GNA11: variants seen among roughly 807,000 people sequenced by gnomAD.
GNA11 encodes G protein subunit alpha 11.
A neutral mutation model predicts 38.2 loss-of-function variants in GNA11; 8 were observed. That is an observed-to-expected ratio of 0.21 (90% CI 0.12 to 0.38). The LOEUF is 0.38. Ranked by LOEUF, GNA11 falls within the 10% of genes least tolerant of loss-of-function variation. GNA11 has a pLI of 1.00. For synonymous variants in GNA11, 211 were observed against 221.4 expected (o/e 0.95, Z 0.42); for missense variants, 268 against 516.3 (o/e 0.52, Z 4.66).
intron 1 of GNA11, among the ~76,000 whole-genome samples, chr19:3,096,594 C>T (rs1047441606): frequency 2.0e-5 from 3 of 152,146 alleles, no homozygotes; most frequent in African/African-American, 7.2e-5. Context: ...TGTCTGCCGC[C>T]TTGGCTGCTT....
Position 3,108,476 on chromosome 19 carries a change from T to A in GNA11, c.137-1673T>A, listed in dbSNP as rs1463292518. Among the ~76,000 whole-genome samples, 1 of 130,262 alleles carries A rather than the reference T, an allele frequency of 7.7e-6. No homozygotes were observed. The highest frequency in any genetic ancestry group is 1.6e-5 in the Non-Finnish European group (1 of 61,724). 85.5% of individuals were successfully genotyped at this position (130,262 alleles called of 152,430 possible). A position where few individuals can be genotyped will look rare whatever the true frequency, so the allele number is the denominator to read the frequency against. ...CAACAGCGTAGGACGTGTGTGGAAG[T>A]GGGGAGGTGCCGGAAGATTCAGAGA... On this transcript the variant is annotated intron_variant, in intron 1 of 6. Coordinates refer to ENST00000078429, the MANE Select transcript of GNA11 (RefSeq NM_002067.5). The surrounding 1 kb of genome is among the most constrained non-coding windows in gnomAD (Gnocchi z 4.5).
intron 1 of GNA11, among the ~76,000 whole-genome samples, chr19:3,101,197 C>A (rs747735621): frequency 3.9e-5 from 6 of 152,176 alleles, no homozygotes; most frequent in African/African-American, 1.4e-4. Flanking sequence ...AACTGGAGGG[C>A]GCTGTGTCTG....
chr19:3,119,689 A>G lies in GNA11; in HGVS notation c.889+330A>G, dbSNP rs1914018629. On this transcript the variant is annotated intron_variant, in intron 6 of 6. Coordinates refer to ENST00000078429, the MANE Select transcript of GNA11 (RefSeq NM_002067.5). This position sits in a 1 kb window ranked among gnomAD's most constrained non-coding sequence, Gnocchi z 4.6. ...TCTTGTACAAGGAGGGCACCATGGG[A>G]GGGGGAGTCTTGTATTGGTGGGTCT... Among the ~76,000 whole-genome samples, 1 of 145,922 alleles carries G rather than the reference A, an allele frequency of 6.9e-6. No individual in the cohort carries two copies. The highest frequency in any genetic ancestry group is 1.5e-5 in the Non-Finnish European group (1 of 65,956).
At position 3,108,267 on chromosome 19, in the gene GNA11, G is replaced by A. The variant is rs1913683850; in HGVS notation, c.137-1882G>A. 1.3e-5 allele frequency among the ~76,000 whole-genome samples: 2 copies of A among 152,196 alleles called. No homozygotes were observed. The highest frequency in any genetic ancestry group is 2.1e-4 in the South Asian group (1 of 4,836). ...GGAGCTGCCAGGTGAGGGGTCCTGCGACAGGCACCTGTGCAAAGATATCTA... is the reference window on the plus strand; with the variant it reads ...GGAGCTGCCAGGTGAGGGGTCCTGCAACAGGCACCTGTGCAAAGATATCTA... On this transcript the variant is annotated intron_variant, in intron 1 of 6. Coordinates refer to ENST00000078429, the MANE Select transcript of GNA11 (RefSeq NM_002067.5). The surrounding 1 kb of genome is among the most constrained non-coding windows in gnomAD (Gnocchi z 4.5).
intron 1 of GNA11, among the ~76,000 whole-genome samples, chr19:3,104,420 G>C (rs1913586436): frequency 6.6e-6 from 1 of 152,182 alleles, no homozygotes; most frequent in African/African-American, 2.4e-5. Context: ...TAGCGTCTGG[G>C]GTCCACTGTG....
chr19:3,120,566 TG>T lies in GNA11; in HGVS notation c.890-420del. Reference sequence around the variant, plus strand: ...AGGCCTGGCTGCAGCAGGGGCACCGTGGGTGGGTGGGGGCCACTGTTCCTGC... The same window carrying T: ...AGGCCTGGCTGCAGCAGGGGCACCGTGGTGGGTGGGGGCCACTGTTCCTGC... On this transcript the variant is annotated intron_variant, in intron 6 of 6. Coordinates refer to ENST00000078429, the MANE Select transcript of GNA11 (RefSeq NM_002067.5). This position sits in a 1 kb window ranked among gnomAD's most constrained non-coding sequence, Gnocchi z 5.9. Among the ~76,000 whole-genome samples the T allele has an allele frequency of 6.6e-6, 1 of 150,850 alleles. No homozygotes were observed. Among genetic ancestry groups the T allele is most frequent in the African/African-American group, 2.4e-5 (1 of 41,000 alleles).
chr19:3,118,613 T>C (rs768818559), intron 4 of GNA11: 2 of 343,112 alleles, frequency 5.8e-6, no homozygotes, highest in Non-Finnish European at 1.1e-5. Context: ...TGGGCACCCA[T>C]CGCAGGTTCC....
Position 3,103,519 on chromosome 19 carries a change from C to CTTTTTTTTTT in GNA11, c.137-6608_137-6599dup, listed in dbSNP as rs760497682. The stretch of plus-strand genomic sequence containing the variant: ...TGAGCCACTGCGCCCGGCCTTGAAT[C>CTTTTTTTTTT]TTTTTTTTTTTTTTTTTTTTTTTTT... On this transcript the variant is annotated intron_variant, in intron 1 of 6. Transcript: ENST00000078429. Among the ~76,000 whole-genome samples, 220 of 45,816 alleles carry CTTTTTTTTTT rather than the reference C, an allele frequency of 4.8e-3. 50 individuals are homozygous for CTTTTTTTTTT. Among genetic ancestry groups the CTTTTTTTTTT allele is most frequent in the Non-Finnish European group, 6.8e-3 (172 of 25,134 alleles). 30.1% of individuals were successfully genotyped at this position (45,816 alleles called of 152,430 possible).
chr19:3,116,328 G>A (rs776369489), intron 4 of GNA11, among the ~76,000 whole-genome samples: 3 of 152,164 alleles, frequency 2.0e-5, no homozygotes, highest in Non-Finnish European at 2.9e-5. Flanking sequence ...GACTCCCACC[G>A]CAGGCCTTAT....
At position 3,121,170 on chromosome 19, in the gene GNA11, C is replaced by T. The variant is rs1914062675; in HGVS notation, c.1071C>T (p.Asn357=). Residue 357 remains asparagine (N), a synonymous_variant, in exon 7 of 7, where the codon AAC becomes AAT. Coordinates refer to ENST00000078429, the MANE Select transcript of GNA11 (RefSeq NM_002067.5). ...TILQLNLKEY[N]LV is the part of the protein sequence containing the mutation. ...TGCAGCTCAACCTCAAGGAGTACAA[C>T]CTGGTCTGAGCGCCCAGGCCCAGGG... The T allele has an allele frequency of 4.3e-6, 7 of 1,612,770 alleles. No homozygotes were observed. Among genetic ancestry groups the T allele is most frequent in the African/African-American group, 1.3e-5 (1 of 75,030 alleles).
intron 1 of GNA11, among the ~76,000 whole-genome samples, chr19:3,096,457 G>A (rs1370503496): frequency 6.6e-6 from 1 of 152,208 alleles, no homozygotes. Flanking sequence ...TTACCAGATG[G>A]CCTTGCCCTG....
intron 1 of GNA11, among the ~76,000 whole-genome samples, chr19:3,102,236 C>G (rs545805174): frequency 6.6e-6 from 1 of 152,258 alleles, no homozygotes; most frequent in South Asian, 2.1e-4. Flanking sequence ...TCAGTGGGAA[C>G]AGAACAAGGT....
At chr19:3,098,749 G>A (rs895220178) in intron 1 of GNA11, among the ~76,000 whole-genome samples, 4 of 152,206 alleles carry the variant, frequency 2.6e-5, no homozygotes, top group Non-Finnish European at 5.9e-5. Flanking sequence ...TCTGGCGCCT[G>A]GCAGGGTGGC....
chr19:3,095,403 G>C (rs1351479928), intron 1 of GNA11, among the ~76,000 whole-genome samples: 2 of 151,768 alleles, frequency 1.3e-5, no homozygotes, highest in African/African-American at 4.8e-5. Flanking sequence ...CAGACCTTTG[G>C]GCTGTAACCC....
intron 3 of GNA11, among the ~76,000 whole-genome samples, chr19:3,114,619 C>G (rs1006700260): frequency 6.6e-6 from 1 of 152,208 alleles, no homozygotes; most frequent in Non-Finnish European, 1.5e-5. Flanking sequence ...GTCACCGTCT[C>G]CCTCCTTGGT....
Position 3,116,597 on chromosome 19 carries a change from C to G in GNA11, c.605+1525C>G, listed in dbSNP as rs149069480. Among the ~76,000 whole-genome samples the G allele has an allele frequency of 2.2e-3, 334 of 152,370 alleles. 1 individual carries two copies. Among genetic ancestry groups the G allele is most frequent in the African/African-American group, 7.6e-3 (315 of 41,586 alleles). ...GTCCTTGGCCAGGGCCACCCTACCT[C>G]TGTGTGACGTTATCCTAACCAGTGA... On this transcript the variant is annotated intron_variant, in intron 4 of 6. Coordinates refer to ENST00000078429, the MANE Select transcript of GNA11 (RefSeq NM_002067.5).
In GNA11 at chr19:3,113,380, C is replaced by T. The variant is rs559730941; in HGVS notation, c.372C>T (p.Phe124=). 59 of 1,613,402 alleles carry T rather than the reference C, an allele frequency of 3.7e-5. No individual in the cohort carries two copies. The highest frequency in any genetic ancestry group is 2.0e-4 in the East Asian group (9 of 44,858). The part of the protein sequence containing the change: ...REVDVEKVTT[F]EHQYVSAIKT... ...TGGACGTGGAGAAGGTGACCACCTT[C>T]GAGCATCAGTACGTCAGTGCCATCA... is the stretch of plus-strand genomic sequence containing the variant. The change falls in exon 3 of 7, where the codon TTC becomes TTT. Residue 124 remains phenylalanine, a synonymous_variant. Coordinates refer to ENST00000078429, the MANE Select transcript of GNA11 (RefSeq NM_002067.5).
chr19:3,106,492 G>A (rs1446062338), intron 1 of GNA11, among the ~76,000 whole-genome samples: 2 of 152,226 alleles, frequency 1.3e-5, no homozygotes, highest in African/African-American at 4.8e-5. Flanking sequence ...GCACCTCAGG[G>A]CCACCAGAGG....
In GNA11 at chr19:3,110,363, C is replaced by CGCCT; in HGVS notation, c.321+32_321+35dup. Reference sequence around the variant, plus strand: ...GCCCGCGGGCGCCTGGGGAGGGGAGCGCCTGGGCAGCTGTGGGCTTGGTGG... The same window carrying CGCCT: ...GCCCGCGGGCGCCTGGGGAGGGGAGCGCCTGCCTGGGCAGCTGTGGGCTTGGTGG... On this transcript the variant is annotated intron_variant, in intron 2 of 6. Coordinates refer to ENST00000078429, the MANE Select transcript of GNA11 (RefSeq NM_002067.5). This position sits in a 1 kb window ranked among gnomAD's most constrained non-coding sequence, Gnocchi z 5.4. 1.3e-6 allele frequency: 2 copies of CGCCT among 1,574,894 alleles called. No individual in the cohort carries two copies. The highest frequency in any genetic ancestry group is 2.2e-5 in the South Asian group (2 of 90,054).
Sources: allele counts gnomAD v4.1 joint callset (sites outside exome capture counted in the v4.1 genomes callset), GRCh38; gene constraint gnomAD v4.1.1; non-coding constraint Gnocchi (gnomAD v3.1); transcripts MANE v1.5; gene names NCBI Gene and HGNC (gene_info 2026-07-23, HGNC 2026-07-21).